MMRN1: variants seen among roughly 807,000 people sequenced by gnomAD.
The protein encoded by MMRN1 is multimerin 1.
MMRN1 carries 94 observed loss-of-function variants against 100.7 expected under a neutral mutation model. That is an observed-to-expected ratio of 0.93 (90% CI 0.79 to 1.11). The LOEUF is 1.11. Ranked by LOEUF, MMRN1 falls within the 50% of genes least tolerant of loss-of-function variation. The pLI, the probability that MMRN1 is intolerant of heterozygous loss-of-function variation, is 0.00. For synonymous variants in MMRN1, 575 were observed against 505.0 expected (o/e 1.14, Z -1.86); for missense variants, 1,606 against 1,439.1 (o/e 1.12, Z -1.88).
intron 3 of MMRN1, among the ~76,000 whole-genome samples, chr4:89,918,187 AT>A (rs1394293176): frequency 6.6e-6 from 1 of 151,062 alleles, no homozygotes; most frequent in African/African-American, 2.4e-5. Context: ...AATAGAATAT[AT>A]AAGTTTCAAA....
chr4:89,937,102 TAAAC>T (rs1722672436), intron 6 of MMRN1, among the ~76,000 whole-genome samples: 1 of 152,100 alleles, frequency 6.6e-6, no homozygotes, highest in Admixed American at 6.6e-5. Flanking sequence ...CACAAGTAAT[TAAAC>T]AAAGCTATTA....
chr4:89,932,718 G>A (rs1320140107), intron 5 of MMRN1, among the ~76,000 whole-genome samples: 1 of 152,120 alleles, frequency 6.6e-6, no homozygotes, highest in Non-Finnish European at 1.5e-5. Context: ...CCATGGTTGG[G>A]ACACAGAGCA....
chr4:89,904,558 T>A (rs1288338569), intron 1 of MMRN1, among the ~76,000 whole-genome samples: 1 of 151,802 alleles, frequency 6.6e-6, no homozygotes, highest in Admixed American at 6.6e-5. Flanking sequence ...TTGTGTCTTG[T>A]TTATTTCACT....
At position 89,927,916 on chromosome 4, in the gene MMRN1, A is replaced by G. The variant is rs993947797; in HGVS notation, c.1077A>G (p.Leu359=). The change falls in exon 5 of 8, where the codon CTA becomes CTG. Residue 359 remains leucine (L), a synonymous_variant. Coordinates refer to ENST00000264790, the MANE Select transcript of MMRN1 (RefSeq NM_007351.3). Reference sequence around the variant, plus strand: ...ATGTAAGGAACACTTACTCCTCCCTAGAAGGAAAAGTCAGCGAAGATAAAA... The same window carrying G: ...ATGTAAGGAACACTTACTCCTCCCTGGAAGGAAAAGTCAGCGAAGATAAAA... ...VNDVRNTYSS[L]EGKVSEDKSR... 1.9e-6 allele frequency: 3 copies of G among 1,609,486 alleles called. No individual in the cohort carries two copies. The highest frequency in any genetic ancestry group is 2.5e-6 in the Non-Finnish European group (3 of 1,178,138).
At chr4:89,898,419 G>A (rs1479829474) in intron 1 of MMRN1, among the ~76,000 whole-genome samples, 1 of 151,948 alleles carries the variant, frequency 6.6e-6, no homozygotes, top group Non-Finnish European at 1.5e-5. Context: ...CTTTAGAGTT[G>A]TAGCTCTCAG....
intron 4 of MMRN1, among the ~76,000 whole-genome samples, chr4:89,927,492 A>G (rs58930449): frequency 0.092 from 13,941 of 152,122 alleles, 844 homozygotes; most frequent in East Asian, 0.3. Context: ...GAATTCATTT[A>G]TCTATTCTAA....
chr4:89,921,501 A>G (rs1431303994), intron 3 of MMRN1, among the ~76,000 whole-genome samples: 1 of 152,206 alleles, frequency 6.6e-6, no homozygotes, highest in Non-Finnish European at 1.5e-5. Flanking sequence ...TGCAATGATT[A>G]AATGGTTGTA....
chr4:89,952,113 C>G, intron 7 of MMRN1, among the ~76,000 whole-genome samples: 1 of 151,990 alleles, frequency 6.6e-6, no homozygotes, highest in East Asian at 1.9e-4. Context: ...AAGAAATACG[C>G]CTTTGATTTA....
In MMRN1 at chr4:89,953,388, A is replaced by G; in HGVS notation, c.3657A>G (p.Thr1219=). The change falls in exon 8 of 8, where the codon ACA becomes ACG. Residue 1219 remains threonine (T), a synonymous_variant. Coordinates refer to ENST00000264790, the MANE Select transcript of MMRN1 (RefSeq NM_007351.3). The part of the protein sequence containing the change: ...TIPAKFPPVT[T]FSGYLLYRT ...CAGCCAAGTTTCCCCCTGTTACTACATTTAGTGGCTATTTATTATATCGTA... is the reference window on the plus strand; with the variant it reads ...CAGCCAAGTTTCCCCCTGTTACTACGTTTAGTGGCTATTTATTATATCGTA... 6.2e-7 allele frequency: 1 copy of G among 1,610,084 alleles called. No individual in the cohort carries two copies. The highest frequency in any genetic ancestry group is 8.5e-7 in the Non-Finnish European group (1 of 1,178,470).
At chr4:89,926,182 T>C (rs1016118588) in intron 4 of MMRN1, among the ~76,000 whole-genome samples, 7 of 152,178 alleles carry the variant, frequency 4.6e-5, no homozygotes, top group Non-Finnish European at 1.0e-4. Context: ...GCTCTATTTT[T>C]AGTTTTTGAG....
rs373236153 is a variant in MMRN1, at chr4:89,949,285, T to A, written c.3119-2320T>A. On this transcript the variant is annotated intron_variant, in intron 6 of 7. Transcript: ENST00000264790. ...ACAGGTGACTGTGATTTTTTATATT[T>A]GGGAAAATTAAAATTATAGAGCTGA... Among the ~76,000 whole-genome samples, 44 of 152,280 alleles carry A rather than the reference T, an allele frequency of 2.9e-4. No homozygotes were observed. In the South Asian group the frequency reaches 8.9e-3, roughly 31 times the overall value.
At chr4:89,883,576 T>C (rs1720868261) in intron 1 of MMRN1, among the ~76,000 whole-genome samples, 1 of 152,160 alleles carries the variant, frequency 6.6e-6, no homozygotes, top group South Asian at 2.1e-4. Flanking sequence ...CTTTTGACAA[T>C]TTATTAATTG....
At position 89,936,343 on chromosome 4, in the gene MMRN1, A is replaced by T. The variant is rs1244368043; in HGVS notation, c.2663A>T (p.Asn888Ile). Residue 888 changes from asparagine to isoleucine, a missense_variant, in exon 6 of 8, where the codon AAT (asparagine) becomes ATT (isoleucine). Transcript: ENST00000264790. ...GTTAAAAAAGGCAGTGTAGTTACAA[A>T]TGAGAGAGATCAGGCTCTTCAACTG... ...ISVKKGSVVT[N>I]ERDQALQLQV... The T allele has an allele frequency of 3.7e-6, 6 of 1,612,676 alleles. No homozygotes were observed. Among genetic ancestry groups the T allele is most frequent in the Non-Finnish European group, 5.1e-6 (6 of 1,179,526 alleles).
intron 1 of MMRN1, among the ~76,000 whole-genome samples, chr4:89,887,134 T>A (rs1192582934): frequency 6.6e-6 from 1 of 152,014 alleles, no homozygotes; most frequent in Admixed American, 6.6e-5. Context: ...TCAAAAATTA[T>A]TGATGAAAGC....
At position 89,909,156 on chromosome 4, in the gene MMRN1, C is replaced by A. The variant is rs78649451; in HGVS notation, c.624-120C>A. ...AAATATTTTAAAGCTAAATAGCAATCTTACAAGGTTTCTGATCTATAGTAT... is the reference window on the plus strand; with the variant it reads ...AAATATTTTAAAGCTAAATAGCAATATTACAAGGTTTCTGATCTATAGTAT... On this transcript the variant is annotated intron_variant, in intron 1 of 7. Coordinates refer to ENST00000264790, the MANE Select transcript of MMRN1 (RefSeq NM_007351.3). 3.5e-3 allele frequency: 3,497 copies of A among 1,000,906 alleles called. 93 individuals are homozygous for A. In the African/African-American group the frequency reaches 0.051, roughly 15 times the overall value. The allele number at this position is 1,000,906 out of a possible 1,614,324, so 62.0% of individuals were successfully genotyped here.
At chr4:89,898,332 C>G (rs1336525635) in intron 1 of MMRN1, among the ~76,000 whole-genome samples, 2 of 151,954 alleles carry the variant, frequency 1.3e-5, no homozygotes, top group Non-Finnish European at 2.9e-5. Context: ...TATTTCTTTA[C>G]AGAGGGATTA....
Position 89,936,132 on chromosome 4 carries a change from T to C in MMRN1, c.2452T>C (p.Ser818Pro). ...TCCCAGAGATGAGAAACTAAATCAG[T>C]CCAACTTCCAAAAGATGTATCAAAT... is the stretch of plus-strand genomic sequence containing the variant. ...GIPRDEKLNQ[S>P]NFQKMYQMFN... Residue 818 changes from serine to proline, a missense_variant, in exon 6 of 8, where the codon TCC (serine) becomes CCC (proline). Transcript: ENST00000264790. 1 of 1,612,452 alleles carries C rather than the reference T, an allele frequency of 6.2e-7. No homozygotes were observed. Among genetic ancestry groups the C allele is most frequent in the East Asian group, 2.2e-5 (1 of 44,794 alleles).
intron 6 of MMRN1, among the ~76,000 whole-genome samples, chr4:89,945,755 C>G (rs1298008889): frequency 2.6e-5 from 4 of 152,062 alleles, no homozygotes; most frequent in African/African-American, 7.2e-5. Flanking sequence ...TCCTTTCGGA[C>G]AGGTCTAAGA....
chr4:89,895,148 G>A lies in MMRN1; in HGVS notation c.177G>A (p.Arg59=), dbSNP rs1721150976. ...IQSLQILPTT[R]VMSAEIATTP... ...GTTTGCAAATACTGCCAACCACTCG[G>A]GTCATGTCGGCGGAGATAGCTACAA... is the stretch of plus-strand genomic sequence containing the variant. The change falls in exon 1 of 8, where the codon CGG becomes CGA. Residue 59 remains arginine, a synonymous_variant. Coordinates refer to ENST00000264790, the MANE Select transcript of MMRN1 (RefSeq NM_007351.3). 6.2e-7 allele frequency: 1 copy of A among 1,613,782 alleles called. No individual in the cohort carries two copies. Among genetic ancestry groups the A allele is most frequent in the African/African-American group, 1.3e-5 (1 of 74,972 alleles).
Sources: gnomAD v4.1 joint callset for allele counts (sites outside exome capture counted in the v4.1 genomes callset) on GRCh38, gnomAD v4.1.1 for gene constraint, MANE v1.5 for transcripts, NCBI Gene and HGNC (gene_info 2026-07-23, HGNC 2026-07-21) for gene names.